Variants in CDO1 observed in about 807,000 individuals in gnomAD.
The protein encoded by CDO1 is cysteine dioxygenase type 1, also known as cysteine dioxygenase, type I.
CDO1 carries 19 observed loss-of-function variants against 24.5 expected under a neutral mutation model. The ratio of observed to expected loss-of-function variants is 0.77; its 90% CI spans 0.54 to 1.14. The LOEUF is 1.14. Ranked by LOEUF, CDO1 falls within the 50% of genes most tolerant of loss-of-function variation. The pLI is 0.00. For missense variants in CDO1, 244 were observed against 244.8 expected, an observed-to-expected ratio of 1.00 and a Z score of 0.02; for synonymous variants, 91 against 87.0, an observed-to-expected ratio of 1.05 and a Z score of -0.26.
rs1249988683 is a variant in CDO1 at position 115,804,773 on chromosome 5, T to C, written c.*660A>G. ...CTTTATTTAAATTATTTGGTAATTT[T>C]AGCAGTACAAAATCTTTGACTATGA... On this transcript the variant is annotated 3_prime_UTR_variant, in exon 5 of 5. Coordinates refer to ENST00000250535, the MANE Select transcript of CDO1 (RefSeq NM_001801.3). 1 of 152,224 alleles carries C rather than the reference T, an allele frequency of 6.6e-6. No homozygotes were observed. The highest frequency in any genetic ancestry group is 1.9e-4 in the East Asian group (1 of 5,196). The allele number at this position is 152,224 out of a possible 1,614,324, so 9.4% of individuals were successfully genotyped here.
intron 1 of CDO1, among the ~76,000 whole-genome samples, 183 bp downstream of exon 1, chr5:115,816,045 T>G (rs1032774665): frequency 3.9e-5 from 6 of 152,176 alleles, no homozygotes; most frequent in Non-Finnish European, 8.8e-5. Context: ...CCGCCTGCGC[T>G]GTGGCCGCGG....
chr5:115,808,771 A>G (rs929799970), intron 3 of CDO1, among the ~76,000 whole-genome samples: 4 of 152,198 alleles, frequency 2.6e-5, no homozygotes, highest in Non-Finnish European at 5.9e-5. Flanking sequence ...GAAATACTCA[A>G]TTAAAAAATG....
At chr5:115,814,770 G>T (rs1212897209) in intron 1 of CDO1, among the ~76,000 whole-genome samples, 1 of 151,998 alleles carries the variant, frequency 6.6e-6, no homozygotes, top group East Asian at 1.9e-4. Context: ...GAACAACAAT[G>T]CTAACCCCGG....
chr5:115,810,345 A>T (rs140941820), intron 3 of CDO1, among the ~76,000 whole-genome samples: 92 of 152,258 alleles, frequency 6.0e-4, no homozygotes, highest in Admixed American at 1.2e-3. Context: ...TGGAGAAAAA[A>T]ACTTGCTTTG....
At chr5:115,812,574 T>G (rs1006880063) in intron 2 of CDO1, among the ~76,000 whole-genome samples, 1 of 152,206 alleles carries the variant, frequency 6.6e-6, no homozygotes, top group Non-Finnish European at 1.5e-5. Context: ...AAACACAATT[T>G]CACATAAAGT....
chr5:115,816,272 G>T lies in CDO1; in HGVS notation c.126C>A (p.Ser42Arg), dbSNP rs199779764. 1.4e-3 allele frequency: 2,234 copies of T among 1,614,150 alleles called. 6 individuals are homozygous for T. Among genetic ancestry groups the T allele is most frequent in the Non-Finnish European group, 1.7e-3 (2,045 of 1,180,010 alleles). ...CGTACATTGCCCACTCGGTGGGGTC[G>T]CTCTCGTAGGCTTCCATGATGGCCT... ...EVQAIMEAYE[S>R]DPTEWAMYAK... Residue 42 changes from serine to arginine, a missense_variant, in exon 1 of 5, where the codon AGC becomes AGA. Physicochemically the swap from Ser to Arg is moderately radical, Grantham distance 110. Coordinates refer to ENST00000250535, the MANE Select transcript of CDO1 (RefSeq NM_001801.3).
intron 1 of CDO1, among the ~76,000 whole-genome samples, chr5:115,815,640 C>T (rs1474729822): frequency 6.6e-6 from 1 of 152,194 alleles, no homozygotes; most frequent in East Asian, 1.9e-4. Flanking sequence ...AAAATGCTTG[C>T]TATAAGGTGC....
At chr5:115,815,983 G>T (rs1232282747) in intron 1 of CDO1, among the ~76,000 whole-genome samples, 5 of 152,352 alleles carry the variant, frequency 3.3e-5, no homozygotes, top group Admixed American at 6.5e-5. Context: ...CCTTCCCGGC[G>T]CCTGTCCGCC....
At position 115,813,259 on chromosome 5, in the gene CDO1, CT is replaced by C; in HGVS notation, c.171-2del. On this transcript the variant is annotated splice_acceptor_variant, in intron 1 of 4. Transcript: ENST00000250535. LOFTEE classifies it high-confidence loss of function. ...TTGATCCACAAGATTTCGGGTATAC[CT>C]AAAAAAAAACAATATATTCAGAAGT... The C allele has an allele frequency of 1.3e-6, 2 of 1,538,430 alleles. No homozygotes were observed. Among genetic ancestry groups the C allele is most frequent in the East Asian group, 2.3e-5 (1 of 44,386 alleles).
At chr5:115,808,555 C>G (rs1329965853) in intron 3 of CDO1, among the ~76,000 whole-genome samples, 20 of 152,008 alleles carry the variant, frequency 1.3e-4, no homozygotes, top group Admixed American at 1.3e-3. Flanking sequence ...AGAGGGGATC[C>G]AGCCACAGGA....
Position 115,811,241 on chromosome 5 carries a change from G to A in CDO1, c.323C>T (p.Ala108Val). The A allele has an allele frequency of 2.5e-6, 4 of 1,613,198 alleles. 1 individual carries two copies. Among genetic ancestry groups the A allele is most frequent in the Admixed American group, 1.7e-5 (1 of 60,004 alleles). ...LQGNLKETLF[A>V]WPDKKSNEMV... The stretch of plus-strand genomic sequence containing the variant: ...CTCATTGGATTTTTTGTCAGGCCAG[G>A]CAAATAATGTCTCCTTTAGATTTCC... Residue 108 changes from alanine to valine, a missense_variant, in exon 3 of 5, where the codon GCC (alanine) becomes GTC (valine). Transcript: ENST00000250535.
intron 3 of CDO1, among the ~76,000 whole-genome samples, chr5:115,809,977 C>T (rs1356292085): frequency 1.3e-5 from 2 of 152,156 alleles, no homozygotes; most frequent in African/African-American, 4.8e-5. Flanking sequence ...TGTTGAGATT[C>T]TATAGGTTTT....
Position 115,806,480 on chromosome 5 carries a change from T to C in CDO1, c.442A>G (p.Thr148Ala). The C allele has an allele frequency of 6.2e-7, 1 of 1,611,148 alleles. No individual in the cohort carries two copies. ...AAGTGAAGGCTCACAGCAGGTTCCGTATGGCTGATGTTCTCTACTCGATGT... is the reference window on the plus strand; with the variant it reads ...AAGTGAAGGCTCACAGCAGGTTCCGCATGGCTGATGTTCTCTACTCGATGT... ...GLHRVENISH[T>A]EPAVSLHLYS... The change falls in exon 4 of 5, where the codon ACG becomes GCG. Residue 148 changes from threonine (T) to alanine (A), a missense_variant. Coordinates refer to ENST00000250535, the MANE Select transcript of CDO1 (RefSeq NM_001801.3).
intron 3 of CDO1, 46 bp downstream of exon 3, chr5:115,811,115 G>A (rs770191149): frequency 1.3e-6 from 2 of 1,557,958 alleles, no homozygotes; most frequent in East Asian, 2.3e-5. Flanking sequence ...CAGACAAAAG[G>A]TCATGGTTCT....
Position 115,816,410 on chromosome 5 carries a change from T to C in CDO1, c.-13A>G, listed in dbSNP as rs200074221. The C allele has an allele frequency of 1.2e-6, 2 of 1,610,600 alleles. No individual in the cohort carries two copies. Among genetic ancestry groups the C allele is most frequent in the East Asian group, 2.2e-5 (1 of 44,820 alleles). ...CGGTCTGTTCCATCTCGTGGGGAGC[T>C]GGCTGCGCGCGCGTCTCACTGCTGG... On this transcript the variant is annotated 5_prime_UTR_variant, in exon 1 of 5. Transcript: ENST00000250535.
rs889261366 is a variant in CDO1, at chr5:115,816,589, G to A, written c.-192C>T. On this transcript the variant is annotated 5_prime_UTR_variant, in exon 1 of 5. Coordinates refer to ENST00000250535, the MANE Select transcript of CDO1 (RefSeq NM_001801.3). Reference sequence around the variant, plus strand: ...AGAGACAGCAAGAGACCCACCCCCAGGCCCCTGGCAGCGCAGTGGATCCGG... The same window carrying A: ...AGAGACAGCAAGAGACCCACCCCCAAGCCCCTGGCAGCGCAGTGGATCCGG... 4.9e-6 allele frequency: 3 copies of A among 615,912 alleles called. No homozygotes were observed. In the African/African-American group the frequency reaches 5.6e-5, roughly 11 times the overall value. 38.2% of individuals were successfully genotyped at this position (615,912 alleles called of 1,614,324 possible). A position where few individuals can be genotyped will look rare whatever the true frequency, so the allele number is the denominator to read the frequency against.
chr5:115,811,061 T>C (rs1760165450), intron 3 of CDO1, 100 bp downstream of exon 3: 7 of 1,087,646 alleles, frequency 6.4e-6, no homozygotes, highest in Middle Eastern at 2.1e-4. Context: ...TCATGACTCA[T>C]GATCCAGGTT....
chr5:115,814,523 C>G (rs1415290331), intron 1 of CDO1: 2 of 152,438 alleles, frequency 1.3e-5, no homozygotes, highest in Admixed American at 6.5e-5. Context: ...TGACTTCTCT[C>G]CCATCTCCTG....
At chr5:115,815,163 A>T (rs137930933) in intron 1 of CDO1, among the ~76,000 whole-genome samples, 2 of 152,300 alleles carry the variant, frequency 1.3e-5, no homozygotes, top group African/African-American at 4.8e-5. Flanking sequence ...CCCAAGAAAA[A>T]CAAACTTACT....
Sources: allele counts gnomAD v4.1 joint callset (sites outside exome capture counted in the v4.1 genomes callset), GRCh38; gene constraint gnomAD v4.1.1; transcripts MANE v1.5; gene names NCBI Gene and HGNC (gene_info 2026-07-23, HGNC 2026-07-21).